Variants in DPP4 observed in about 807,000 individuals in gnomAD.
DPP4 encodes ADCP-2.
Under a neutral mutation model 122.4 loss-of-function variants are expected in DPP4, and 93 were observed. The ratio of observed to expected loss-of-function variants is 0.76; its 90% confidence interval spans 0.64 to 0.90. The LOEUF (loss-of-function observed/expected upper bound fraction) is 0.90. Among genes scored for constraint, DPP4 ranks in the 40% least tolerant of loss-of-function variants. The pLI is 0.00. For missense variants in DPP4, 914 were observed against 907.3 expected (o/e 1.01, Z -0.09); for synonymous variants, 321 against 302.9 (o/e 1.06, Z -0.62).
At chr2:162,017,557 A>T in intron 16 of DPP4, 1 of 168,070 alleles carries the variant, frequency 5.9e-6, no homozygotes. Flanking sequence ...AGAGCCCTGT[A>T]GCCAGCCTCC....
In DPP4 at chr2:162,027,664, CT is replaced by C. The variant is rs1683380872; in HGVS notation, c.888-2726del. On this transcript the variant is annotated intron_variant, in intron 10 of 25. Transcript: ENST00000360534. ...AAGGGGTATGTGATGGGGGGAACAA[CT>C]TTTTGACAATAATTAGTGGATCACC... Among the ~76,000 whole-genome samples, 3 of 152,236 alleles carry C rather than the reference CT, an allele frequency of 2.0e-5. 1 individual carries two copies. The South Asian group carries it at 6.2e-4, about 32-fold the overall frequency.
intron 25 of DPP4, 128 bp downstream of exon 25, chr2:161,994,833 C>T (rs559066850): frequency 1.6e-4 from 127 of 789,516 alleles, no homozygotes; most frequent in South Asian, 9.7e-4. Context: ...TCTGACTTCA[C>T]GTTGAAAAAA....
chr2:162,017,186 G>A, intron 16 of DPP4, 31 bp from the exon 17 acceptor site: 1 of 1,596,222 alleles, frequency 6.3e-7, no homozygotes, highest in Non-Finnish European at 8.6e-7. Context: ...AAATGTTTTG[G>A]ATGAATACTT....
intron 2 of DPP4, among the ~76,000 whole-genome samples, chr2:162,068,808 G>T (rs962212620): frequency 2.0e-5 from 3 of 152,088 alleles, no homozygotes; most frequent in Non-Finnish European, 4.4e-5. Flanking sequence ...AGGAATGAAG[G>T]CATCCACAGT....
At chr2:162,050,130 T>G (rs567104681) in intron 2 of DPP4, among the ~76,000 whole-genome samples, 86 of 152,336 alleles carry the variant, frequency 5.6e-4, no homozygotes, top group African/African-American at 2.0e-3. Context: ...TAACTGGATT[T>G]GTTCACAAAA....
intron 2 of DPP4, among the ~76,000 whole-genome samples, chr2:162,063,574 GAGA>G (rs953936996): frequency 6.6e-6 from 1 of 151,934 alleles, no homozygotes; most frequent in African/African-American, 2.4e-5. Context: ...AGGGGAGGTG[GAGA>G]AGAAGGATGA....
At chr2:162,053,246 C>G (rs1684445776) in intron 2 of DPP4, among the ~76,000 whole-genome samples, 1 of 152,164 alleles carries the variant, frequency 6.6e-6, no homozygotes, top group Non-Finnish European at 1.5e-5. Flanking sequence ...TGCTATTCAT[C>G]AAGACAATGG....
rs2106112138 is a variant in DPP4 at position 162,028,767 on chromosome 2, C to G, written c.888-3828G>C. Among the ~76,000 whole-genome samples the G allele has an allele frequency of 1.3e-5, 2 of 152,332 alleles. 1 individual carries two copies. The highest frequency in any genetic ancestry group is 4.1e-4 in the South Asian group (2 of 4,830). On this transcript the variant is annotated intron_variant, in intron 10 of 25. Coordinates refer to ENST00000360534, the MANE Select transcript of DPP4 (RefSeq NM_001935.4). ...TATGTGCCAGGAACTATTCTAAGTG[C>G]TTGACATAAGCTCATGACCACCCTA...
intron 2 of DPP4, among the ~76,000 whole-genome samples, chr2:162,061,432 C>T (rs536068554): frequency 1.3e-5 from 2 of 152,320 alleles, no homozygotes; most frequent in East Asian, 1.9e-4. Flanking sequence ...TCTCTCTCCT[C>T]ATCTTATTAA....
intron 2 of DPP4, among the ~76,000 whole-genome samples, chr2:162,064,888 C>A (rs1280858209): frequency 6.6e-6 from 1 of 152,198 alleles, no homozygotes; most frequent in East Asian, 1.9e-4. Flanking sequence ...ATTACAGCTC[C>A]AGATTTTTGG....
intron 2 of DPP4, among the ~76,000 whole-genome samples, chr2:162,068,305 C>T (rs932116183): frequency 6.6e-6 from 1 of 152,158 alleles, no homozygotes; most frequent in African/African-American, 2.4e-5. Context: ...GCTAATATGG[C>T]CAAGTTGATT....
intron 10 of DPP4, among the ~76,000 whole-genome samples, chr2:162,032,547 T>A (rs1166487289): frequency 6.6e-6 from 1 of 151,970 alleles, no homozygotes; most frequent in East Asian, 1.9e-4. Flanking sequence ...TAGCCAGGCA[T>A]GCACCTGTAA....
chr2:162,050,356 C>T (rs928172988), intron 2 of DPP4, among the ~76,000 whole-genome samples: 1 of 152,108 alleles, frequency 6.6e-6, no homozygotes, highest in Non-Finnish European at 1.5e-5. Context: ...TTATTGACAT[C>T]CACAATCCTC....
chr2:162,008,223 A>G (rs1559706722), intron 22 of DPP4, among the ~76,000 whole-genome samples: 1 of 152,170 alleles, frequency 6.6e-6, no homozygotes, highest in Non-Finnish European at 1.5e-5. Flanking sequence ...AAAGAGATAC[A>G]TACTTCTCTC....
At chr2:162,037,194 C>T (rs949153897) in intron 8 of DPP4, among the ~76,000 whole-genome samples, 15 of 152,186 alleles carry the variant, frequency 9.9e-5, no homozygotes, top group African/African-American at 3.6e-4. Flanking sequence ...AAAAGACTCC[C>T]TCCAGCAATT....
chr2:162,071,363 G>A (rs561291618), intron 2 of DPP4, among the ~76,000 whole-genome samples: 13 of 152,262 alleles, frequency 8.5e-5, no homozygotes, highest in African/African-American at 1.2e-4. Context: ...AAGTCTCTCC[G>A]CCGGGTGCAG....
At chr2:162,021,164 T>C (rs1683111508) in intron 12 of DPP4, among the ~76,000 whole-genome samples, 2 of 152,224 alleles carry the variant, frequency 1.3e-5, no homozygotes, top group African/African-American at 4.8e-5. Flanking sequence ...TTACACATAT[T>C]TCTTTTTGAA....
intron 10 of DPP4, among the ~76,000 whole-genome samples, chr2:162,028,561 C>T (rs1035776155): frequency 2.6e-5 from 4 of 152,154 alleles, no homozygotes; most frequent in African/African-American, 9.7e-5. Flanking sequence ...AGGGACCACC[C>T]CTGCAGTCCA....
chr2:162,004,980 T>C (rs1446501011), intron 23 of DPP4, among the ~76,000 whole-genome samples: 1 of 152,190 alleles, frequency 6.6e-6, no homozygotes, highest in African/African-American at 2.4e-5. Context: ...CAACCTAACA[T>C]GACAAACAGA....
Sources: allele counts gnomAD v4.1 joint callset (sites outside exome capture counted in the v4.1 genomes callset), GRCh38; gene constraint gnomAD v4.1.1; transcripts MANE v1.5; gene names NCBI Gene and HGNC (gene_info 2026-07-23, HGNC 2026-07-21).